Variants in PRR16 observed in about 807,000 individuals in gnomAD.
PRR16 encodes the protein proline rich 16.
A neutral mutation model predicts 18.2 loss-of-function variants in PRR16; 6 were observed. The observed-to-expected ratio is 0.33, with a 90% CI of 0.18 to 0.65. The LOEUF is 0.65. Ranked by LOEUF, PRR16 falls within the 30% of genes least tolerant of loss-of-function variation. The probability of loss-of-function intolerance (pLI) is 0.74; values close to 1 mark genes in which losing one functional copy is unlikely to be tolerated. For synonymous variants in PRR16, 151 were observed against 147.8 expected, an observed-to-expected ratio of 1.02 and a Z score of -0.16; for missense variants, 412 against 376.6, an observed-to-expected ratio of 1.09 and a Z score of -0.78.
chr5:120,764,648 AATTTT>A, the PRR16 span, among the ~76,000 whole-genome samples: 1,082 of 151,842 alleles, frequency 7.1e-3, 6 homozygotes, highest in Non-Finnish European at 0.011. Context: ...GAAAAGATTA[AATTTT>A]ATTTTAGTGT....
chr5:120,561,750 C>G (rs1482857379), intron 1 of PRR16, among the ~76,000 whole-genome samples: 1 of 152,088 alleles, frequency 6.6e-6, no homozygotes, highest in Non-Finnish European at 1.5e-5. Context: ...CCATACTATT[C>G]TCATGATATT....
At chr5:120,756,677 G>T in the PRR16 span, among the ~76,000 whole-genome samples, 17 of 151,830 alleles carry the variant, frequency 1.1e-4, no homozygotes, top group Admixed American at 1.3e-4. Flanking sequence ...CTTATGAATA[G>T]AACTTTTTAT....
At chr5:120,585,339 G>A (rs1237006281) in intron 1 of PRR16, among the ~76,000 whole-genome samples, 1 of 152,164 alleles carries the variant, frequency 6.6e-6, no homozygotes, top group Non-Finnish European at 1.5e-5. Flanking sequence ...GCTGGGCATG[G>A]TGGCTCATGC....
chr5:120,649,301 CA>C (rs1431453777), intron 1 of PRR16, among the ~76,000 whole-genome samples: 2 of 152,060 alleles, frequency 1.3e-5, no homozygotes, highest in Non-Finnish European at 2.9e-5. Flanking sequence ...GTTAACAATG[CA>C]TTTCTTGCCG....
the PRR16 span, among the ~76,000 whole-genome samples, chr5:120,710,134 TTTG>T: frequency 4.6e-5 from 7 of 152,182 alleles, no homozygotes; most frequent in Non-Finnish European, 8.8e-5. Context: ...CTTGCCAGCA[TTTG>T]TTATTTTCTG....
intron 1 of PRR16, among the ~76,000 whole-genome samples, chr5:120,644,926 G>C (rs978430528): frequency 3.9e-5 from 6 of 152,060 alleles, no homozygotes; most frequent in African/African-American, 1.4e-4. Context: ...ACAATAGAAA[G>C]ATCCATCTCT....
chr5:120,793,117 A>T, the PRR16 span, among the ~76,000 whole-genome samples: 1 of 152,172 alleles, frequency 6.6e-6, no homozygotes, highest in Non-Finnish European at 1.5e-5. Flanking sequence ...GTGCCACTGC[A>T]CTCCAGCCCA....
the PRR16 span, among the ~76,000 whole-genome samples, chr5:120,745,696 ATTT>A: frequency 1.3e-5 from 2 of 149,698 alleles, no homozygotes; most frequent in Non-Finnish European, 3.0e-5. Context: ...TTATTTATTT[ATTT>A]ATTTATTTTT....
At chr5:120,574,917 C>T (rs1359418099) in intron 1 of PRR16, among the ~76,000 whole-genome samples, 2 of 148,554 alleles carry the variant, frequency 1.3e-5, no homozygotes, top group Non-Finnish European at 2.9e-5. Flanking sequence ...GGAATTTGTT[C>T]GTATACAGCA....
the PRR16 span, chr5:120,781,122 T>C: frequency 1.3e-5 from 2 of 152,250 alleles, no homozygotes. Context: ...ACTGAATTAA[T>C]TGGCAAAATA....
chr5:120,532,299 T>A (rs1751577213), intron 1 of PRR16, among the ~76,000 whole-genome samples: 1 of 152,134 alleles, frequency 6.6e-6, no homozygotes, highest in Non-Finnish European at 1.5e-5. Flanking sequence ...TTAGGAAAAC[T>A]ACCTATAGTT....
At chr5:120,766,488 T>G in the PRR16 span, among the ~76,000 whole-genome samples, 1 of 151,994 alleles carries the variant, frequency 6.6e-6, no homozygotes, top group East Asian at 1.9e-4. Context: ...TCAGTACTAG[T>G]CAATTGTGTC....
the PRR16 span, among the ~76,000 whole-genome samples, chr5:120,735,077 ACTTT>A: frequency 2.0e-5 from 3 of 152,128 alleles, no homozygotes; most frequent in African/African-American, 7.2e-5. Context: ...TATGAATTTA[ACTTT>A]CTTAAATACC....
At chr5:120,572,123 C>CTGTATTGGTCAAAGGAGTCTCTCATAT (rs1752927391) in intron 1 of PRR16, among the ~76,000 whole-genome samples, 2 of 152,220 alleles carry the variant, frequency 1.3e-5, no homozygotes, top group South Asian at 4.1e-4. Flanking sequence ...TTGTCTCGTA[C>CTGTATTGGTCAAAGGAGTCTCTCATAT]TGTATTGGTC....
intron 1 of PRR16, among the ~76,000 whole-genome samples, chr5:120,669,041 C>G (rs1756497531): frequency 6.6e-6 from 1 of 152,090 alleles, no homozygotes; most frequent in Non-Finnish European, 1.5e-5. Flanking sequence ...GAAGATTTAT[C>G]CAAGTGTTTT....
the PRR16 span, among the ~76,000 whole-genome samples, chr5:120,699,416 G>C: frequency 6.6e-6 from 1 of 152,278 alleles, no homozygotes; most frequent in South Asian, 2.1e-4. Context: ...AGGTGGATCA[G>C]AGAGATACAG....
At chr5:120,489,312 C>G (rs1234258397) in intron 1 of PRR16, among the ~76,000 whole-genome samples, 1 of 152,116 alleles carries the variant, frequency 6.6e-6, no homozygotes, top group Admixed American at 6.5e-5. Flanking sequence ...TCTCTAAGGA[C>G]TTGCCTTACG....
rs548770948 is a variant in PRR16, at chr5:120,501,955, CAAAAAA to C, written c.159+37332_159+37337del. 5.4e-4 allele frequency among the ~76,000 whole-genome samples: 24 copies of C among 44,086 alleles called. No individual in the cohort carries two copies. The East Asian group carries it at 0.028, about 51-fold the overall frequency. The allele number at this position is 44,086 out of a possible 152,430, so 28.9% of individuals were successfully genotyped here. On this transcript the variant is annotated intron_variant, in intron 1 of 1. Coordinates refer to ENST00000407149, the MANE Select transcript of PRR16 (RefSeq NM_001300783.2). ...TGGGCGACAGAGCGATACTCCGTCT[CAAAAAA>C]AAAAAAAAAAAAAAAAAAAAAGAAA... is the stretch of plus-strand genomic sequence containing the variant.
At chr5:120,507,905 C>G (rs929476222) in intron 1 of PRR16, among the ~76,000 whole-genome samples, 24 of 152,202 alleles carry the variant, frequency 1.6e-4, no homozygotes, top group African/African-American at 5.8e-4. Context: ...CAAAGCAGTG[C>G]ATTTATAACA....
Sources: allele counts gnomAD v4.1 joint callset (sites outside exome capture counted in the v4.1 genomes callset), GRCh38; gene constraint gnomAD v4.1.1; transcripts MANE v1.5; gene names NCBI Gene and HGNC (gene_info 2026-07-23, HGNC 2026-07-21).